Variants in NOVA2 observed in about 807,000 individuals in gnomAD.
NOVA2 encodes the protein RNA-binding protein Nova-2.
A neutral mutation model predicts 22.5 loss-of-function variants in NOVA2; 9 were observed. The observed-to-expected ratio is 0.40, with a 90% CI of 0.24 to 0.70. The LOEUF is 0.70. Ranked by LOEUF, NOVA2 falls within the 30% of genes least tolerant of loss-of-function variation. The pLI is 0.38. For missense variants in NOVA2, 383 were observed against 682.8 expected, an observed-to-expected ratio of 0.56 and a Z score of 4.89; for synonymous variants, 318 against 335.2, an observed-to-expected ratio of 0.95 and a Z score of 0.56.
At position 45,940,310 on chromosome 19, in the gene NOVA2, C is replaced by CTGCT; in HGVS notation, c.1031_1032insAGCA (p.Pro345AlafsTer60). The CTGCT allele has an allele frequency of 8.8e-7, 1 of 1,141,256 alleles. No homozygotes were observed. The highest frequency in any genetic ancestry group is 1.1e-6 in the Non-Finnish European group (1 of 933,184). 70.7% of individuals were successfully genotyped at this position (1,141,256 alleles called of 1,614,324 possible). On this transcript the variant is annotated frameshift_variant, in exon 4 of 4. Transcript: ENST00000263257. LOFTEE classifies it low-confidence loss of function (END_TRUNC). ...GGGCTCCGGGAGGCGGGGGCGGCGG[C>CTGCT]GGGGCGGCCCCTCCGGCTGGCCCGG...
rs1967702804 is a variant in NOVA2, at chr19:45,939,220, C to G, written c.*643G>C. ...ACCTGACAACAAAAGAGTGAACATTCCCACCTAGGAGGGACAGCTCCAGTG... is the reference window on the plus strand; with the variant it reads ...ACCTGACAACAAAAGAGTGAACATTGCCACCTAGGAGGGACAGCTCCAGTG... On this transcript the variant is annotated 3_prime_UTR_variant, in exon 4 of 4. Coordinates refer to ENST00000263257, the MANE Select transcript of NOVA2 (RefSeq NM_002516.4). 1 of 152,272 alleles carries G rather than the reference C, an allele frequency of 6.6e-6. No individual in the cohort carries two copies. The highest frequency in any genetic ancestry group is 2.1e-4 in the South Asian group (1 of 4,830). The allele number at this position is 152,272 out of a possible 1,614,324, so 9.4% of individuals were successfully genotyped here.
chr19:45,973,187 G>A, intron 1 of NOVA2, 80 bp downstream of exon 1: 1 of 695,806 alleles, frequency 1.4e-6, no homozygotes, highest in African/African-American at 1.9e-5. Flanking sequence ...CCTTGCACCT[G>A]CCACGGGAGG....
chr19:45,958,214 G>A (rs1422716420), intron 2 of NOVA2, among the ~76,000 whole-genome samples: 1 of 152,036 alleles, frequency 6.6e-6, no homozygotes, highest in Admixed American at 6.6e-5. Flanking sequence ...CTGCATTTCA[G>A]TTGCTCCATG....
chr19:45,963,039 C>T (rs1392618514), intron 1 of NOVA2, among the ~76,000 whole-genome samples: 1 of 152,104 alleles, frequency 6.6e-6, no homozygotes, highest in Non-Finnish European at 1.5e-5. Context: ...GTTGCCCCTA[C>T]GTGCCTCCAG....
chr19:45,959,115 G>C (rs1968057175), intron 2 of NOVA2, among the ~76,000 whole-genome samples: 1 of 152,244 alleles, frequency 6.6e-6, no homozygotes, highest in African/African-American at 2.4e-5. Flanking sequence ...TGTGTTGAAT[G>C]AATGAGTGAA....
At chr19:45,962,735 C>A (rs559552533) in intron 1 of NOVA2, 1 of 152,278 alleles carries the variant, frequency 6.6e-6, no homozygotes, top group African/African-American at 2.4e-5. Flanking sequence ...CAACCTCCAC[C>A]TCCCGGGTGT....
chr19:45,949,367 A>C (rs990009067), intron 3 of NOVA2, among the ~76,000 whole-genome samples: 7 of 152,032 alleles, frequency 4.6e-5, no homozygotes, highest in African/African-American at 9.7e-5. Flanking sequence ...CAGCCTGACA[A>C]ATCAAGAAGA....
chr19:45,959,006 G>A (rs1315725608), intron 2 of NOVA2, among the ~76,000 whole-genome samples: 1 of 152,222 alleles, frequency 6.6e-6, no homozygotes, highest in Admixed American at 6.5e-5. Context: ...TGACTGGGAT[G>A]TGAGAACCAA....
At chr19:45,945,130 C>T (rs79335178) in intron 3 of NOVA2, among the ~76,000 whole-genome samples, 1 of 151,886 alleles carries the variant, frequency 6.6e-6, no homozygotes, top group South Asian at 2.1e-4. Flanking sequence ...GATGGTGAAA[C>T]CTCATCTCTA....
intron 3 of NOVA2, among the ~76,000 whole-genome samples, chr19:45,946,872 T>TA (rs35836093): frequency 0.028 from 3,702 of 133,448 alleles, 58 homozygotes; most frequent in Middle Eastern, 0.039. Context: ...AGACTCCGTC[T>TA]AAAAAAAAAA....
intron 3 of NOVA2, among the ~76,000 whole-genome samples, chr19:45,952,080 G>A (rs116563532): frequency 5.4e-4 from 82 of 152,244 alleles, no homozygotes; most frequent in African/African-American, 1.9e-3. Context: ...TAATAAAAGA[G>A]AAACTGAGGT....
chr19:45,936,430 C>G lies in NOVA2; in HGVS notation c.*3433G>C, dbSNP rs1263130205. 1 of 151,232 alleles carries G rather than the reference C, an allele frequency of 6.6e-6. No homozygotes were observed. The highest frequency in any genetic ancestry group is 6.6e-5 in the Admixed American group (1 of 15,162). The allele number at this position is 151,232 out of a possible 1,614,324, so 9.4% of individuals were successfully genotyped here. ...GGGTGGGAGGGCTGTGGAAGGGGGA[C>G]CCAATTTAGCTCCATGTCCACACTT... On this transcript the variant is annotated 3_prime_UTR_variant, in exon 4 of 4. Coordinates refer to ENST00000263257, the MANE Select transcript of NOVA2 (RefSeq NM_002516.4).
chr19:45,939,685 A>G lies in NOVA2; in HGVS notation c.*178T>C, dbSNP rs1967713364. ...AGGGGGCTTCTGAGCCCCCTTCCCAACCGTCACTCAATCCTGCCTATGACT... is the reference window on the plus strand; with the variant it reads ...AGGGGGCTTCTGAGCCCCCTTCCCAGCCGTCACTCAATCCTGCCTATGACT... On this transcript the variant is annotated 3_prime_UTR_variant, in exon 4 of 4. Coordinates refer to ENST00000263257, the MANE Select transcript of NOVA2 (RefSeq NM_002516.4). 1 of 756,336 alleles carries G rather than the reference A, an allele frequency of 1.3e-6. No homozygotes were observed. The highest frequency in any genetic ancestry group is 2.8e-5 in the East Asian group (1 of 36,088). The allele number at this position is 756,336 out of a possible 1,614,324, so 46.9% of individuals were successfully genotyped here.
chr19:45,971,138 C>G (rs1475212754), intron 1 of NOVA2, among the ~76,000 whole-genome samples: 1 of 152,122 alleles, frequency 6.6e-6, no homozygotes, highest in Admixed American at 6.6e-5. Flanking sequence ...CAAATCATGT[C>G]TCCCAGGGGT....
At chr19:45,950,974 G>A (rs1967916666) in intron 3 of NOVA2, among the ~76,000 whole-genome samples, 1 of 152,186 alleles carries the variant, frequency 6.6e-6, no homozygotes, top group South Asian at 2.1e-4. Context: ...CCGGGCCAGA[G>A]TTTATGCTCA....
At chr19:45,972,940 G>T (rs536822285) in intron 1 of NOVA2, among the ~76,000 whole-genome samples, 177 of 151,908 alleles carry the variant, frequency 1.2e-3, no homozygotes, top group African/African-American at 4.2e-3. Context: ...CCCCTGCTCC[G>T]AAAGGGTCAC....
At position 45,939,580 on chromosome 19, in the gene NOVA2, GACC is replaced by G. The variant is rs1967711539; in HGVS notation, c.*280_*282del. 2.2e-6 allele frequency: 1 copy of G among 448,238 alleles called. No homozygotes were observed. The highest frequency in any genetic ancestry group is 2.0e-5 in the African/African-American group (1 of 49,432). 27.8% of individuals were successfully genotyped at this position (448,238 alleles called of 1,614,324 possible). A position where few individuals can be genotyped will look rare whatever the true frequency, so the allele number is the denominator to read the frequency against. ...ATGCAATATATACAGATATCACACA[GACC>G]TGGGCCCTGGGACAGGAAGGGTCAG... is the stretch of plus-strand genomic sequence containing the variant. On this transcript the variant is annotated 3_prime_UTR_variant, in exon 4 of 4. Transcript: ENST00000263257.
chr19:45,970,503 G>A (rs1371526878), intron 1 of NOVA2, among the ~76,000 whole-genome samples: 1 of 151,764 alleles, frequency 6.6e-6, no homozygotes, highest in Non-Finnish European at 1.5e-5. Context: ...AACCTCCTGA[G>A]TAGCTCGGAC....
At chr19:45,955,355 T>C (rs1304423192) in intron 2 of NOVA2, among the ~76,000 whole-genome samples, 1 of 152,140 alleles carries the variant, frequency 6.6e-6, no homozygotes, top group Non-Finnish European at 1.5e-5. Flanking sequence ...GACAGACAGG[T>C]AGACTCAGGT....
Sources: allele counts gnomAD v4.1 joint callset (sites outside exome capture counted in the v4.1 genomes callset), GRCh38; gene constraint gnomAD v4.1.1; transcripts MANE v1.5; gene names NCBI Gene and HGNC (gene_info 2026-07-23, HGNC 2026-07-21).